Variants in FOXJ3 observed in about 807,000 individuals in gnomAD.
FOXJ3 encodes forkhead box protein J3.
Under a neutral mutation model 76.1 loss-of-function variants are expected in FOXJ3, and 22 were observed. The ratio of observed to expected loss-of-function variants is 0.29; its 90% CI spans 0.21 to 0.41. The LOEUF (loss-of-function observed/expected upper bound fraction) is 0.41, where lower values mean the gene tolerates loss of function less well. Among genes scored for constraint, FOXJ3 ranks in the 10% least tolerant of loss-of-function variants. The pLI is 1.00. For synonymous variants in FOXJ3, 269 were observed against 261.2 expected, an observed-to-expected ratio of 1.03 and a Z score of -0.29; for missense variants, 613 against 762.1, an observed-to-expected ratio of 0.80 and a Z score of 2.30.
At chr1:42,206,473 C>T (rs937908779) in intron 5 of FOXJ3, among the ~76,000 whole-genome samples, 8 of 152,108 alleles carry the variant, frequency 5.3e-5, no homozygotes, top group Admixed American at 4.6e-4. Flanking sequence ...GAAGGAACCT[C>T]GACATCTGAA....
intron 4 of FOXJ3, among the ~76,000 whole-genome samples, chr1:42,232,791 T>C (rs1446378398): frequency 6.6e-6 from 1 of 152,234 alleles, no homozygotes; most frequent in Non-Finnish European, 1.5e-5. Context: ...GGAAGCTCTT[T>C]AGTTTAATTA....
chr1:42,183,302 G>A (rs1275286640), intron 11 of FOXJ3, among the ~76,000 whole-genome samples: 1 of 103,876 alleles, frequency 9.6e-6, no homozygotes, highest in East Asian at 3.4e-4. Flanking sequence ...AGGGGGCGGG[G>A]CGGGGTGGGG....
intron 5 of FOXJ3, among the ~76,000 whole-genome samples, chr1:42,214,982 T>C (rs1246447946): frequency 1.3e-5 from 2 of 152,228 alleles, no homozygotes; most frequent in Non-Finnish European, 2.9e-5. Flanking sequence ...AAGCTTACAG[T>C]GTAACACAGT....
rs763400970 is a variant in FOXJ3 at position 42,191,311 on chromosome 1, C to T, written c.1343G>A (p.Cys448Tyr). 6.5e-7 allele frequency: 1 copy of T among 1,537,792 alleles called. No individual in the cohort carries two copies. Among genetic ancestry groups the T allele is most frequent in the Non-Finnish European group, 8.8e-7 (1 of 1,138,494 alleles). ...QAPPPPQQVSCNSGVSNDWYA... is the reference protein window; with the variant it reads ...QAPPPPQQVSYNSGVSNDWYA... ...AGGAGACAAAAACTTACCAGAATTA[C>T]AGGATACCTGTTGTGGGGGTGGGGG... is the stretch of plus-strand genomic sequence containing the variant. The change falls in exon 9 of 13, where the codon TGT (cysteine) becomes TAT (tyrosine). Residue 448 changes from cysteine to tyrosine, a missense_variant. Cys to Tyr is a radical substitution (Grantham distance 194). Coordinates refer to ENST00000361346, the MANE Select transcript of FOXJ3 (RefSeq NM_014947.5).
At chr1:42,328,672 T>C (rs1320080314) in intron 1 of FOXJ3, among the ~76,000 whole-genome samples, 1 of 142,534 alleles carries the variant, frequency 7.0e-6, no homozygotes, top group Non-Finnish European at 1.5e-5. Context: ...TTCATACTTA[T>C]CCTATTTTTT....
At chr1:42,222,106 A>AAGAAGAAGAAGAAGAAGG (rs1190783190) in intron 5 of FOXJ3, among the ~76,000 whole-genome samples, 1 of 147,052 alleles carries the variant, frequency 6.8e-6, no homozygotes. Context: ...GAAGAAGAAG[A>AAGAAGAAGAAGAAGAAGG]AGAAATAAAA....
intron 2 of FOXJ3, among the ~76,000 whole-genome samples, chr1:42,301,430 G>A (rs1484856171): frequency 6.6e-6 from 1 of 151,958 alleles, no homozygotes; most frequent in Non-Finnish European, 1.5e-5. Context: ...TCGAACTCCT[G>A]ACCCTCAAGT....
At chr1:42,180,550 T>G (rs1206526846) in intron 12 of FOXJ3, among the ~76,000 whole-genome samples, 1 of 152,228 alleles carries the variant, frequency 6.6e-6, no homozygotes, top group African/African-American at 2.4e-5. Context: ...ATTATACATA[T>G]CCTTTTAACT....
At chr1:42,181,065 A>T (rs1432131711) in intron 12 of FOXJ3, among the ~76,000 whole-genome samples, 1 of 152,234 alleles carries the variant, frequency 6.6e-6, no homozygotes, top group Non-Finnish European at 1.5e-5. Context: ...ACAGTTCTTC[A>T]AGGTTTTAAA....
At chr1:42,231,973 G>A (rs1046257012) in intron 4 of FOXJ3, among the ~76,000 whole-genome samples, 34 of 147,346 alleles carry the variant, frequency 2.3e-4, no homozygotes, top group Middle Eastern at 3.4e-3. Flanking sequence ...AACAGGCCCC[G>A]GTGTGTGATG....
At chr1:42,217,874 C>G (rs1647102966) in intron 5 of FOXJ3, among the ~76,000 whole-genome samples, 2 of 152,176 alleles carry the variant, frequency 1.3e-5, no homozygotes, top group Admixed American at 6.5e-5. Flanking sequence ...AACTATCCCT[C>G]AATAGTGTTG....
intron 8 of FOXJ3, among the ~76,000 whole-genome samples, chr1:42,192,534 T>G (rs1646570043): frequency 6.6e-6 from 1 of 152,240 alleles, no homozygotes; most frequent in African/African-American, 2.4e-5. Context: ...CTTTTTACTT[T>G]CTACATAGTG....
intron 1 of FOXJ3, among the ~76,000 whole-genome samples, chr1:42,319,451 A>C (rs1411442486): frequency 6.6e-6 from 1 of 152,186 alleles, no homozygotes; most frequent in Non-Finnish European, 1.5e-5. Flanking sequence ...AAATAGGCAA[A>C]TTCATGTGAG....
At chr1:42,181,294 T>G (rs1646312521) in intron 12 of FOXJ3, among the ~76,000 whole-genome samples, 1 of 152,208 alleles carries the variant, frequency 6.6e-6, no homozygotes, top group South Asian at 2.1e-4. Context: ...TCTAACAATG[T>G]GCCGTATTCC....
rs1646237050 is a variant in FOXJ3 at position 42,177,545 on chromosome 1, T to G, written c.*2165A>C. On this transcript the variant is annotated 3_prime_UTR_variant, in exon 13 of 13. Transcript: ENST00000361346. Reference sequence around the variant, plus strand: ...TACTCTGCAGGCTGCCATCTCATCTTGCCTCTGATCCTTCTAAGAGGCGCA... The same window carrying G: ...TACTCTGCAGGCTGCCATCTCATCTGGCCTCTGATCCTTCTAAGAGGCGCA... The G allele has an allele frequency of 6.6e-6, 1 of 152,640 alleles. No homozygotes were observed. The highest frequency in any genetic ancestry group is 2.4e-5 in the African/African-American group (1 of 41,444). The allele number at this position is 152,640 out of a possible 1,614,324, so 9.5% of individuals were successfully genotyped here. A position where few individuals can be genotyped will look rare whatever the true frequency, so the allele number is the denominator to read the frequency against.
chr1:42,309,098 T>C (rs533849507), intron 2 of FOXJ3, among the ~76,000 whole-genome samples: 2 of 152,020 alleles, frequency 1.3e-5, no homozygotes, highest in Admixed American at 1.3e-4. Context: ...CGTAACTTCA[T>C]TGTTCATTTT....
intron 5 of FOXJ3, among the ~76,000 whole-genome samples, chr1:42,219,752 C>T (rs1647142190): frequency 3.3e-5 from 5 of 152,130 alleles, no homozygotes; most frequent in Admixed American, 2.0e-4. Context: ...CAAAGAAAGA[C>T]CTGTCTCTAC....
chr1:42,237,097 C>T (rs1189642608), intron 4 of FOXJ3, among the ~76,000 whole-genome samples: 2 of 151,744 alleles, frequency 1.3e-5, no homozygotes, highest in African/African-American at 4.8e-5. Context: ...ATTTCTGGGC[C>T]AGGCGTGGTG....
chr1:42,241,214 C>G (rs1203546569), intron 4 of FOXJ3, among the ~76,000 whole-genome samples: 1 of 152,148 alleles, frequency 6.6e-6, no homozygotes, highest in African/African-American at 2.4e-5. Context: ...AGCTTCCTGA[C>G]AGCTCCACCA....
Sources: allele counts gnomAD v4.1 joint callset (sites outside exome capture counted in the v4.1 genomes callset), GRCh38; gene constraint gnomAD v4.1.1; transcripts MANE v1.5; gene names NCBI Gene and HGNC (gene_info 2026-07-23, HGNC 2026-07-21).